The following SPC25 variants were observed in gnomAD, a reference collection of about 807,000 sequenced individuals.
SPC25 encodes the protein kinetochore protein Spc25.
A neutral mutation model predicts 29.6 loss-of-function variants in SPC25; 22 were observed. The observed-to-expected ratio is 0.74, with a 90% CI of 0.53 to 1.06. The LOEUF (loss-of-function observed/expected upper bound fraction) is 1.06, where lower values mean the gene tolerates loss of function less well. Ranked by LOEUF, SPC25 falls within the 50% of genes least tolerant of loss-of-function variation. The pLI, the probability that SPC25 is intolerant of heterozygous loss-of-function variation, is 0.00. For synonymous variants in SPC25, 91 were observed against 90.4 expected (o/e 1.01, Z -0.04); for missense variants, 230 against 255.8 (o/e 0.90, Z 0.69).
chr2:168,864,967 A>G lies in SPC25; in HGVS notation n.419+8618T>C, dbSNP rs767898158. 1.9e-6 allele frequency: 3 copies of G among 1,614,054 alleles called. No individual in the cohort carries two copies. In the East Asian group the frequency reaches 6.7e-5, roughly 36 times the overall value. On this transcript the variant is annotated intron_variant and non_coding_transcript_variant, in intron 4 of 4. Coordinates refer to the SPC25 transcript ENST00000479309. ...ATGCTGGCAACACAGCTACAAAGGC[A>G]TAAAACAAGACTCTGAACATACTAC...
Position 168,876,193 on chromosome 2 carries a change from C to A in SPC25, c.347-17G>T. 1 of 1,481,186 alleles carries A rather than the reference C, an allele frequency of 6.8e-7. No individual in the cohort carries two copies. The allele number at this position is 1,481,186 out of a possible 1,614,324, so 91.8% of individuals were successfully genotyped here. A position where few individuals can be genotyped will look rare whatever the true frequency, so the allele number is the denominator to read the frequency against. Reference sequence around the variant, plus strand: ...TAGAAATAGCTGATTAAAAAACACACACAATATTAAATGTTTTAAATAATA... The same window carrying A: ...TAGAAATAGCTGATTAAAAAACACAAACAATATTAAATGTTTTAAATAATA... On this transcript the variant is annotated splice_polypyrimidine_tract_variant and intron_variant, in intron 4 of 6. Coordinates refer to ENST00000282074, the MANE Select transcript of SPC25 (RefSeq NM_020675.4).
intron 4 of SPC25, among the ~76,000 whole-genome samples, chr2:168,876,996 T>C (rs568679334): frequency 2.6e-5 from 4 of 152,148 alleles, no homozygotes; most frequent in Non-Finnish European, 4.4e-5. Flanking sequence ...AAACCTCCTA[T>C]CAATTTCATT....
At chr2:168,861,587 T>G (rs1014060361) in intron 4 of SPC25, among the ~76,000 whole-genome samples, 1 of 152,146 alleles carries the variant, frequency 6.6e-6, no homozygotes, top group African/African-American at 2.4e-5. Context: ...CATACACAGC[T>G]AGGGATGATG....
chr2:168,880,415 T>G lies in SPC25; in HGVS notation c.200-3031A>C, dbSNP rs76550195. ...AGCTTCAAACTTTTCTTCTGAAACT[T>G]CCTCATCTTTCTCAAGCCTTCACAG... On this transcript the variant is annotated intron_variant, in intron 3 of 6. Coordinates refer to ENST00000282074, the MANE Select transcript of SPC25 (RefSeq NM_020675.4). Among the ~76,000 whole-genome samples, 750 of 152,314 alleles carry G rather than the reference T, an allele frequency of 4.9e-3. 9 individuals carry two copies. In the East Asian group the frequency reaches 0.053, roughly 11 times the overall value.
At position 168,873,668 on chromosome 2, in the gene SPC25, A is replaced by T; in HGVS notation, c.467T>A (p.Phe156Tyr). The change falls in exon 6 of 7, where the codon TTT becomes TAT. Residue 156 changes from phenylalanine to tyrosine, a missense_variant. Physicochemically the swap from Phe to Tyr is conservative, Grantham distance 22. Transcript: ENST00000282074. ...CTTAGGGTCAATATTAGTGAAAATA[A>T]ACTGCAATTTCTCACCTGAAAAGAG... is the stretch of plus-strand genomic sequence containing the variant. ...IRKIYGEKLQFIFTNIDPKNP... is the reference protein window; with the variant it reads ...IRKIYGEKLQYIFTNIDPKNP... 6.2e-7 allele frequency: 1 copy of T among 1,610,460 alleles called. No homozygotes were observed. Among genetic ancestry groups the T allele is most frequent in the Non-Finnish European group, 8.5e-7 (1 of 1,177,334 alleles).
intron 3 of SPC25, among the ~76,000 whole-genome samples, chr2:168,877,768 G>C (rs1483653937): frequency 6.6e-6 from 1 of 152,034 alleles, no homozygotes; most frequent in Non-Finnish European, 1.5e-5. Flanking sequence ...GGGTCTCACT[G>C]TTGCCCAGGC....
chr2:168,862,177 G>GAT (rs1689499886), intron 4 of SPC25: 5 of 749,546 alleles, frequency 6.7e-6, no homozygotes, highest in Non-Finnish European at 1.1e-5. Context: ...CTTCTTGAAA[G>GAT]ATAAGCACAT....
intron 4 of SPC25, among the ~76,000 whole-genome samples, chr2:168,876,601 T>TTC (rs34332188): frequency 0.021 from 135 of 6,320 alleles, no homozygotes; most frequent in South Asian, 0.048. Flanking sequence ...TAGTTTTTTC[T>TTC]TTTTTTTTTT....
chr2:168,881,245 ACT>A (rs1396850530), intron 3 of SPC25, among the ~76,000 whole-genome samples: 2 of 151,758 alleles, frequency 1.3e-5, no homozygotes, highest in Non-Finnish European at 1.5e-5. Flanking sequence ...TGTCCCTGTC[ACT>A]CTCTGTACAA....
chr2:168,890,133 T>C (rs1012665620), intron 1 of SPC25, among the ~76,000 whole-genome samples, 185 bp downstream of exon 1: 1 of 152,182 alleles, frequency 6.6e-6, no homozygotes, highest in Non-Finnish European at 1.5e-5. Flanking sequence ...AGATACCTCC[T>C]GCAGTGAAAC....
chr2:168,864,118 C>T (rs950077847), intron 4 of SPC25, among the ~76,000 whole-genome samples: 2 of 152,070 alleles, frequency 1.3e-5, no homozygotes, highest in Non-Finnish European at 2.9e-5. Flanking sequence ...CAGGCGTGTG[C>T]CACCATGCCT....
At position 168,871,149 on chromosome 2, in the gene SPC25, T is replaced by C. The variant is rs1285646075; in HGVS notation, c.*282A>G. 3.4e-5 allele frequency: 6 copies of C among 174,420 alleles called. No homozygotes were observed. The highest frequency in any genetic ancestry group is 7.0e-5 in the Non-Finnish European group (6 of 85,692). 10.8% of individuals were successfully genotyped at this position (174,420 alleles called of 1,614,324 possible). On this transcript the variant is annotated 3_prime_UTR_variant, in exon 7 of 7. Coordinates refer to ENST00000282074, the MANE Select transcript of SPC25 (RefSeq NM_020675.4). ...ACATATTCTCACTCCTAGGTGGGAA[T>C]TGAACAATGAGAACACATGGACACA...
At chr2:168,862,046 A>G in intron 4 of SPC25, 1 of 1,613,642 alleles carries the variant, frequency 6.2e-7, no homozygotes, top group Non-Finnish European at 8.5e-7. Flanking sequence ...GAATTTGGAA[A>G]AGGGTAAGAA....
At chr2:168,867,511 C>T (rs76089105), downstream of SPC25, among the ~76,000 whole-genome samples, 1 of 128,884 alleles carries the variant, frequency 7.8e-6, no homozygotes, top group African/African-American at 2.9e-5. Context: ...CAGAAACACA[C>T]ATAGGCTCAA....
Position 168,889,507 on chromosome 2 carries a change from C to T in SPC25, c.13G>A (p.Glu5Lys). ...ATGCTTTTATCGAAAAGTGCCAGTT[C>T]GTCCTCTACCATTATGTAGGACAAT... The part of the protein sequence containing the change: MVED[E>K]LALFDKSINE... Residue 5 changes from glutamate to lysine, a missense_variant, in exon 2 of 7, where the codon GAA becomes AAA. By Grantham distance (56) the Glu-to-Lys change is moderately conservative. Coordinates refer to ENST00000282074, the MANE Select transcript of SPC25 (RefSeq NM_020675.4). 1.2e-6 allele frequency: 2 copies of T among 1,613,452 alleles called. No individual in the cohort carries two copies. Among genetic ancestry groups the T allele is most frequent in the Non-Finnish European group, 1.7e-6 (2 of 1,179,762 alleles).
chr2:168,863,923 T>A (rs183224483), intron 4 of SPC25, among the ~76,000 whole-genome samples: 11 of 152,220 alleles, frequency 7.2e-5, no homozygotes, highest in Non-Finnish European at 5.9e-5. Context: ...TTTTATTTTT[T>A]TTTTTGAGGC....
downstream of SPC25, among the ~76,000 whole-genome samples, chr2:168,869,002 T>A (rs1256757989): frequency 1.3e-5 from 2 of 152,166 alleles, no homozygotes; most frequent in East Asian, 3.8e-4. Context: ...AAAAAGCTTA[T>A]CCACCATGAT....
chr2:168,889,032 T>TAC (rs1490337262), intron 3 of SPC25, among the ~76,000 whole-genome samples, 194 bp downstream of exon 3: 2 of 26,558 alleles, frequency 7.5e-5, no homozygotes, highest in Admixed American at 4.0e-4. Context: ...CACATATATA[T>TAC]ACATATATAT....
chr2:168,889,111 A>G, intron 3 of SPC25, 115 bp downstream of exon 3: 1 of 667,096 alleles, frequency 1.5e-6, no homozygotes, highest in Non-Finnish European at 2.4e-6. Flanking sequence ...ATATACACAC[A>G]CACAACATAT....
Sources: allele counts gnomAD v4.1 joint callset (sites outside exome capture counted in the v4.1 genomes callset), GRCh38; gene constraint gnomAD v4.1.1; transcripts MANE v1.5; gene names NCBI Gene and HGNC (gene_info 2026-07-23, HGNC 2026-07-21).